ABCG2: variants seen among roughly 807,000 people sequenced by gnomAD.
ABCG2 encodes the protein broad substrate specificity ATP-binding cassette transporter ABCG2.
In ABCG2, 80 loss-of-function variants were observed where a neutral mutation model predicts 73.5. The observed-to-expected ratio is 1.09, with a 90% CI of 0.91 to 1.31. The LOEUF (loss-of-function observed/expected upper bound fraction) is 1.31, where lower values mean the gene tolerates loss of function less well. ABCG2 is among the 50% of genes most tolerant of loss of function. The probability of loss-of-function intolerance (pLI) is 0.00; values close to 1 mark genes in which losing one functional copy is unlikely to be tolerated. For synonymous variants in ABCG2, 269 were observed against 282.4 expected (o/e 0.95, Z 0.48); for missense variants, 796 against 786.2 (o/e 1.01, Z -0.15).
At chr4:88,133,243 A>G (rs1026428793) in intron 2 of ABCG2, among the ~76,000 whole-genome samples, 8 of 152,198 alleles carry the variant, frequency 5.3e-5, no homozygotes, top group African/African-American at 1.7e-4. Context: ...ATAAGTCGCT[A>G]ATTTGTGGAA....
At chr4:88,115,621 C>CAA (rs34465562) in intron 7 of ABCG2, among the ~76,000 whole-genome samples, 81 of 107,932 alleles carry the variant, frequency 7.5e-4, no homozygotes, top group Non-Finnish European at 1.1e-3. Flanking sequence ...GTCTCTGGGC[C>CAA]AAAAAAAAAA....
chr4:88,185,376 A>AC (rs1305867488), intron 1 of ABCG2, among the ~76,000 whole-genome samples: 1 of 152,054 alleles, frequency 6.6e-6, no homozygotes, highest in African/African-American at 2.4e-5. Flanking sequence ...ACAAAACAAA[A>AC]CTCAAACTAT....
chr4:88,138,518 G>A (rs1030320886), intron 2 of ABCG2, among the ~76,000 whole-genome samples: 8 of 152,204 alleles, frequency 5.3e-5, no homozygotes. Flanking sequence ...TTTTTGGAAT[G>A]TAGATGACTA....
chr4:88,130,787 G>A (rs1244432701), intron 5 of ABCG2, among the ~76,000 whole-genome samples: 2 of 152,162 alleles, frequency 1.3e-5, no homozygotes, highest in Non-Finnish European at 2.9e-5. Context: ...CATGAGGTGG[G>A]GGAGGAGCAT....
intron 10 of ABCG2, among the ~76,000 whole-genome samples, chr4:88,104,855 A>G (rs139101431): frequency 2.9e-3 from 435 of 152,250 alleles, no homozygotes; most frequent in African/African-American, 9.7e-3. Flanking sequence ...AAACACCTAA[A>G]GTTCTTCTTT....
At chr4:88,190,183 T>A (rs1478822251) in intron 1 of ABCG2, among the ~76,000 whole-genome samples, 1 of 152,198 alleles carries the variant, frequency 6.6e-6, no homozygotes, top group Non-Finnish European at 1.5e-5. Context: ...TGAGGTAGAT[T>A]TCTATTATTA....
intron 1 of ABCG2, among the ~76,000 whole-genome samples, 151 bp downstream of exon 1, chr4:88,158,235 G>A (rs1034834176): frequency 2.0e-5 from 3 of 152,152 alleles, no homozygotes; most frequent in East Asian, 1.9e-4. Flanking sequence ...GTTTTAAACT[G>A]CATACCCACT....
chr4:88,177,216 C>CAAA (rs34778170), intron 1 of ABCG2, among the ~76,000 whole-genome samples: 1 of 150,602 alleles, frequency 6.6e-6, no homozygotes, highest in Non-Finnish European at 1.5e-5. Flanking sequence ...ACTAAAAATA[C>CAAA]AAAAAAAAAT....
At chr4:88,118,634 A>G (rs1393301302) in intron 6 of ABCG2, among the ~76,000 whole-genome samples, 2 of 152,194 alleles carry the variant, frequency 1.3e-5, no homozygotes, top group Non-Finnish European at 2.9e-5. Flanking sequence ...CTAACTATGG[A>G]CTGCATATTA....
rs986025972 is a variant in ABCG2 at position 88,107,102 on chromosome 4, T to C, written c.1277+82A>G. ...AATGACATTTACACTATACTTGTCT[T>C]AAATTCAAATTCTTAATGGATTTCA... is the stretch of plus-strand genomic sequence containing the variant. On this transcript the variant is annotated intron_variant, in intron 10 of 15. Transcript: ENST00000237612. 1.6e-5 allele frequency: 17 copies of C among 1,083,340 alleles called. No individual in the cohort carries two copies. In the Admixed American group the frequency reaches 2.9e-4, roughly 18 times the overall value. 67.1% of individuals were successfully genotyped at this position (1,083,340 alleles called of 1,614,324 possible). A position where few individuals can be genotyped will look rare whatever the true frequency, so the allele number is the denominator to read the frequency against.
In ABCG2 at chr4:88,194,730, C is replaced by CAGAA. The variant is rs573865008; in HGVS notation, c.-20+36263_-20+36264insTTCT. On this transcript the variant is annotated intron_variant, in intron 1 of 15. Coordinates refer to the ABCG2 transcript ENST00000515655. ...GATCCTGAGATAGGAGTGGTTCAGACAGAGCTGTAGGCACGAAGGCTGACA... is the reference window on the plus strand; with the variant it reads ...GATCCTGAGATAGGAGTGGTTCAGACAGAAAGAGCTGTAGGCACGAAGGCTGACA... Among the ~76,000 whole-genome samples the CAGAA allele has an allele frequency of 8.0e-4, 122 of 152,038 alleles. 7 individuals carry two copies. The South Asian group carries it at 0.023, about 29-fold the overall frequency.
intron 1 of ABCG2, among the ~76,000 whole-genome samples, chr4:88,229,082 CTT>C (rs1466956051): frequency 6.6e-6 from 1 of 152,194 alleles, no homozygotes; most frequent in Non-Finnish European, 1.5e-5. Context: ...ACTGTGAAAG[CTT>C]TGTTCTTTCG....
At chr4:88,181,639 G>A (rs1728258048) in intron 1 of ABCG2, among the ~76,000 whole-genome samples, 1 of 152,094 alleles carries the variant, frequency 6.6e-6, no homozygotes, top group Non-Finnish European at 1.5e-5. Flanking sequence ...GCTGAGGTAA[G>A]AAGGTCACTT....
In ABCG2 at chr4:88,114,964, G is replaced by A. The variant is rs140886986; in HGVS notation, c.936C>T (p.Asp312=). The A allele has an allele frequency of 7.7e-5, 124 of 1,607,612 alleles. No homozygotes were observed. Among genetic ancestry groups the A allele is most frequent in the Middle Eastern group, 1.7e-4 (1 of 6,042 alleles). ...STAVALNREE[D]FKATEIIEPS... ...TGTAACAGATTCATATACCTTTAAA[G>A]TCTTCTTCTCTGTTTAATGCCACAG... The change falls in exon 8 of 16, where the codon GAC becomes GAT. Residue 312 remains aspartate, a synonymous_variant. Transcript: ENST00000237612.
At chr4:88,099,221 G>C (rs1722210508) in intron 12 of ABCG2, 103 bp downstream of exon 12, 1 of 1,117,902 alleles carries the variant, frequency 8.9e-7, no homozygotes, top group Non-Finnish European at 1.2e-6. Flanking sequence ...CTCATGGTTT[G>C]GTTTATAGTT....
At chr4:88,189,670 GATTACAAC>G (rs1196442610) in intron 1 of ABCG2, among the ~76,000 whole-genome samples, 14 of 152,146 alleles carry the variant, frequency 9.2e-5, no homozygotes, top group African/African-American at 3.4e-4. Context: ...CAACATAGAA[GATTACAAC>G]ATCTGTGAAC....
intron 5 of ABCG2, among the ~76,000 whole-genome samples, chr4:88,125,051 G>A (rs367655825): frequency 4.6e-5 from 7 of 152,044 alleles, no homozygotes; most frequent in South Asian, 2.1e-4. Flanking sequence ...CCAGCACTTC[G>A]GAAGGCTGAG....
At chr4:88,211,558 C>T (rs747944857) in intron 1 of ABCG2, among the ~76,000 whole-genome samples, 2 of 151,942 alleles carry the variant, frequency 1.3e-5, no homozygotes, top group Admixed American at 6.6e-5. Flanking sequence ...CTGGGACTAC[C>T]GGAGTACACC....
intron 10 of ABCG2, among the ~76,000 whole-genome samples, chr4:88,103,660 A>C (rs1021832207): frequency 2.6e-5 from 4 of 152,198 alleles, no homozygotes; most frequent in Admixed American, 1.3e-4. Flanking sequence ...GTATCTCCAA[A>C]GAAAAATCCT....
Sources: gnomAD v4.1 joint callset for allele counts (sites outside exome capture counted in the v4.1 genomes callset) on GRCh38, gnomAD v4.1.1 for gene constraint, MANE v1.5 for transcripts, NCBI Gene and HGNC (gene_info 2026-07-23, HGNC 2026-07-21) for gene names.